The following EIF2AK3 variants were observed in gnomAD, a reference collection of about 807,000 sequenced individuals.
EIF2AK3 encodes the protein eukaryotic translation initiation factor 2-alpha kinase 3.
In EIF2AK3, 50 loss-of-function variants were observed where a neutral mutation model predicts 113.5. That is an observed-to-expected ratio of 0.44 (90% CI 0.35 to 0.56). The LOEUF (loss-of-function observed/expected upper bound fraction) is 0.56. Among genes scored for constraint, EIF2AK3 ranks in the 20% least tolerant of loss-of-function variants. The pLI is 0.00. For synonymous variants in EIF2AK3, 448 were observed against 495.4 expected (o/e 0.90, Z 1.27); for missense variants, 1,185 against 1,378.0 (o/e 0.86, Z 2.22).
At chr2:88,626,040 T>A (rs1189497723) in intron 1 of EIF2AK3, among the ~76,000 whole-genome samples, 1 of 152,192 alleles carries the variant, frequency 6.6e-6, no homozygotes, top group African/African-American at 2.4e-5. Flanking sequence ...TAGTTTAATT[T>A]ACTTAATGCT....
At chr2:88,565,072 T>C (rs1674073040) in intron 14 of EIF2AK3, among the ~76,000 whole-genome samples, 1 of 151,718 alleles carries the variant, frequency 6.6e-6, no homozygotes, top group African/African-American at 2.4e-5. Context: ...GTTTCACTCT[T>C]GTTGCCCAGG....
In EIF2AK3 at chr2:88,574,720, G is replaced by A. The variant is rs1322019660; in HGVS notation, c.2763C>T (p.Ile921=). The A allele has an allele frequency of 5.0e-6, 8 of 1,614,132 alleles. No homozygotes were observed. The highest frequency in any genetic ancestry group is 1.7e-4 in the Middle Eastern group (1 of 6,060). ...RSVCLHIFLQ[I]AEAVEFLHSK... ...TGTGAAGAAACTCCACTGCCTCTGC[G>A]ATCTGCAGGAAGATGTGCAGACACA... Residue 921 remains isoleucine (I), a synonymous_variant, in exon 13 of 17, where the codon ATC becomes ATT. Transcript: ENST00000303236.
intron 3 of EIF2AK3, chr2:88,594,140 C>G (rs1674954419): frequency 1.3e-5 from 2 of 153,276 alleles, no homozygotes; most frequent in African/African-American, 2.4e-5. Context: ...ATGGGCCTAA[C>G]ACTTAGATAA....
In EIF2AK3 at chr2:88,575,440, G is replaced by C; in HGVS notation, c.2043C>G (p.Asp681Glu). 1 of 1,606,556 alleles carries C rather than the reference G, an allele frequency of 6.2e-7. No individual in the cohort carries two copies. Among genetic ancestry groups the C allele is most frequent in the Non-Finnish European group, 8.5e-7 (1 of 1,179,962 alleles). The change falls in exon 13 of 17, where the codon GAC (aspartate) becomes GAG (glutamate). Residue 681 changes from aspartate to glutamate, a missense_variant. By Grantham distance (45) the Asp-to-Glu change is conservative. Around this residue, in one of 3 missense-constraint regions of EIF2AK3, gnomAD observed 877 missense variants for 1,024.2 expected, o/e 0.86. Coordinates refer to ENST00000303236, the MANE Select transcript of EIF2AK3 (RefSeq NM_004836.7). ...DEIWLKDESTDWPLSSPSPMD... is the reference protein window; with the variant it reads ...DEIWLKDESTEWPLSSPSPMD... ...TTGGGCTAGGAGAGCTGAGTGGCCA[G>C]TCTGTGCTAAAAGTGGGAGAAATAC... is the stretch of plus-strand genomic sequence containing the variant.
At position 88,557,675 on chromosome 2, in the gene EIF2AK3, A is replaced by G; in HGVS notation, c.*61T>C. ...TTCAAGTCTGCAATTTTGGACAGGC[A>G]TATTCTAAGAAGTAGGCTATTATCT... On this transcript the variant is annotated 3_prime_UTR_variant, in exon 17 of 17. Transcript: ENST00000303236. The G allele has an allele frequency of 6.4e-7, 1 of 1,569,456 alleles. No individual in the cohort carries two copies. Among genetic ancestry groups the G allele is most frequent in the Non-Finnish European group, 8.8e-7 (1 of 1,139,252 alleles).
At chr2:88,574,096 A>G (rs1375231770) in intron 13 of EIF2AK3, among the ~76,000 whole-genome samples, 1 of 152,216 alleles carries the variant, frequency 6.6e-6, no homozygotes, top group African/African-American at 2.4e-5. Context: ...GTAAACAGTC[A>G]TCTGTTAACT....
At chr2:88,598,760 TA>T (rs1243156796) in intron 2 of EIF2AK3, among the ~76,000 whole-genome samples, 1 of 152,208 alleles carries the variant, frequency 6.6e-6, no homozygotes, top group Non-Finnish European at 1.5e-5. Context: ...ATATGGATGG[TA>T]AGGCATTGTA....
At chr2:88,590,345 A>T in intron 6 of EIF2AK3, 98 bp downstream of exon 6, 1 of 1,247,752 alleles carries the variant, frequency 8.0e-7, no homozygotes, top group Non-Finnish European at 1.2e-6. Flanking sequence ...ATTAGGATTT[A>T]AAACTACTAC....
chr2:88,576,531 G>C (rs757856112), intron 12 of EIF2AK3, 23 bp downstream of exon 12: 4 of 1,613,512 alleles, frequency 2.5e-6, no homozygotes, highest in Admixed American at 3.3e-5. Flanking sequence ...TAGCTTAAGT[G>C]TATGTGTAAC....
intron 14 of EIF2AK3, among the ~76,000 whole-genome samples, chr2:88,565,294 C>T (rs983440209): frequency 2.0e-5 from 3 of 151,594 alleles, no homozygotes; most frequent in Non-Finnish European, 4.4e-5. Context: ...CTTTGGCTTC[C>T]CAAAGTGCTG....
At chr2:88,607,099 G>A (rs1405355493) in intron 2 of EIF2AK3, among the ~76,000 whole-genome samples, 1 of 152,116 alleles carries the variant, frequency 6.6e-6, no homozygotes, top group Admixed American at 6.5e-5. Context: ...AATAAGGAAG[G>A]TCTTCATATT....
Position 88,575,403 on chromosome 2 carries a change from A to T in EIF2AK3, c.2080T>A (p.Ser694Thr). The T allele has an allele frequency of 6.2e-7, 1 of 1,612,120 alleles. No homozygotes were observed. Among genetic ancestry groups the T allele is most frequent in the South Asian group, 1.1e-5 (1 of 91,092 alleles). ...LSSPSPMDAP[S>T]VKIRRMDPFA... Reference sequence around the variant, plus strand: ...GGATCCATTCTGCGTATTTTAACTGATGGTGCATCCATTGGGCTAGGAGAG... The same window carrying T: ...GGATCCATTCTGCGTATTTTAACTGTTGGTGCATCCATTGGGCTAGGAGAG... The change falls in exon 13 of 17, where the codon TCA (serine) becomes ACA (threonine). Residue 694 changes from serine (S) to threonine (T), a missense_variant. Physicochemically the swap from Ser to Thr is moderately conservative, Grantham distance 58. Coordinates refer to ENST00000303236, the MANE Select transcript of EIF2AK3 (RefSeq NM_004836.7).
At chr2:88,596,423 CAACTT>C (rs1014324877) in intron 2 of EIF2AK3, among the ~76,000 whole-genome samples, 5 of 151,998 alleles carry the variant, frequency 3.3e-5, no homozygotes. Flanking sequence ...ACGAGACAAA[CAACTT>C]AATAAATAAG....
chr2:88,604,811 T>C (rs923502630), intron 2 of EIF2AK3, among the ~76,000 whole-genome samples: 1 of 152,222 alleles, frequency 6.6e-6, no homozygotes, highest in East Asian at 1.9e-4. Flanking sequence ...GCAAGATGTC[T>C]TTGAGTAATT....
chr2:88,570,325 AT>A (rs1558646112), intron 14 of EIF2AK3, among the ~76,000 whole-genome samples: 1 of 152,194 alleles, frequency 6.6e-6, no homozygotes, highest in African/African-American at 2.4e-5. Flanking sequence ...GTGGCTGAGC[AT>A]GCTCGCCTGA....
Position 88,588,802 on chromosome 2 carries a change from G to A in EIF2AK3, c.1265C>T (p.Ala422Val), listed in dbSNP as rs947983532. Residue 422 changes from alanine to valine, a missense_variant, in exon 7 of 17, where the codon GCA (alanine) becomes GTA (valine). Physicochemically the swap from Ala to Val is moderately conservative, Grantham distance 64. This residue lies in a region of EIF2AK3 where 877 missense variants were observed against 1,024.2 expected (regional missense o/e 0.86). Coordinates refer to ENST00000303236, the MANE Select transcript of EIF2AK3 (RefSeq NM_004836.7). ...KALESVTNEN[A>V]IIPLPTIKWK... ...TTTGATTGTTGGTAAAGGAATAATTGCGTTTTCATTAGTGACAGATTCCAA... is the reference window on the plus strand; with the variant it reads ...TTTGATTGTTGGTAAAGGAATAATTACGTTTTCATTAGTGACAGATTCCAA... The A allele has an allele frequency of 3.9e-5, 63 of 1,613,640 alleles. No homozygotes were observed. Among genetic ancestry groups the A allele is most frequent in the Non-Finnish European group, 5.3e-5 (62 of 1,179,830 alleles).
intron 13 of EIF2AK3, among the ~76,000 whole-genome samples, chr2:88,571,733 C>T (rs114038930): frequency 4.9e-4 from 74 of 152,284 alleles, no homozygotes; most frequent in Admixed American, 1.2e-3. Flanking sequence ...TGGTTTGCGT[C>T]TGAGGGGGAT....
intron 2 of EIF2AK3, among the ~76,000 whole-genome samples, chr2:88,609,735 C>G (rs1675381662): frequency 6.6e-6 from 1 of 151,956 alleles, no homozygotes; most frequent in African/African-American, 2.4e-5. Flanking sequence ...AAAAAATGAA[C>G]AAAGTGAACT....
At chr2:88,626,603 CAGG>C (rs377147908) in intron 1 of EIF2AK3, among the ~76,000 whole-genome samples, 37 of 152,380 alleles carry the variant, frequency 2.4e-4, no homozygotes, top group African/African-American at 8.4e-4. Flanking sequence ...CCAGCACAGA[CAGG>C]AGGTGATGTG....
Sources: allele counts gnomAD v4.1 joint callset (sites outside exome capture counted in the v4.1 genomes callset), GRCh38; gene constraint gnomAD v4.1.1; regional missense constraint gnomAD v4.1.1; transcripts MANE v1.5; gene names NCBI Gene and HGNC (gene_info 2026-07-23, HGNC 2026-07-21).